BCAR3: variants seen among roughly 807,000 people sequenced by gnomAD.
The protein encoded by BCAR3 is BCAR3 adaptor protein, NSP family member.
In BCAR3, 37 loss-of-function variants were observed where a neutral mutation model predicts 80.1. That is an observed-to-expected ratio of 0.46 (90% CI 0.36 to 0.61). The LOEUF is 0.61. Among genes scored for constraint, BCAR3 ranks in the 20% least tolerant of loss-of-function variants. BCAR3 has a pLI of 0.00. For missense variants in BCAR3, 978 were observed against 1,068.2 expected, an observed-to-expected ratio of 0.92 and a Z score of 1.18; for synonymous variants, 389 against 418.9, an observed-to-expected ratio of 0.93 and a Z score of 0.87.
chr1:93,585,926 T>C (rs1183126230), intron 5 of BCAR3, among the ~76,000 whole-genome samples: 1 of 152,144 alleles, frequency 6.6e-6, no homozygotes, highest in African/African-American at 2.4e-5. Context: ...TAAAAAATTT[T>C]GTGCATACAT....
chr1:93,830,690 A>G (rs376293021), intron 2 of BCAR3, among the ~76,000 whole-genome samples: 1 of 152,166 alleles, frequency 6.6e-6, no homozygotes, highest in Non-Finnish European at 1.5e-5. Context: ...GTGACTAAAA[A>G]GCTTTATTGC....
chr1:93,752,502 C>T (rs565772447), intron 2 of BCAR3, among the ~76,000 whole-genome samples: 2 of 152,302 alleles, frequency 1.3e-5, no homozygotes, highest in African/African-American at 4.8e-5. Context: ...ACATGTCAAT[C>T]GGTTGTGAAG....
chr1:93,782,706 A>C (rs1652804999), intron 2 of BCAR3, among the ~76,000 whole-genome samples: 1 of 152,200 alleles, frequency 6.6e-6, no homozygotes, highest in East Asian at 1.9e-4. Flanking sequence ...ATAAAACCCC[A>C]AAATGCTGCC....
intron 2 of BCAR3, among the ~76,000 whole-genome samples, chr1:93,774,470 C>T (rs932215402): frequency 7.1e-6 from 1 of 140,828 alleles, no homozygotes; most frequent in Non-Finnish European, 1.5e-5. Flanking sequence ...ATCAACAGAG[C>T]GAGATTCTGT....
In BCAR3 at chr1:93,745,804, C is replaced by T. The variant is rs541802831; in HGVS notation, c.-62-39662G>A. Among the ~76,000 whole-genome samples, 9 of 152,264 alleles carry T rather than the reference C, an allele frequency of 5.9e-5. No homozygotes were observed. The East Asian group carries it at 1.7e-3, about 29-fold the overall frequency. Reference sequence around the variant, plus strand: ...CCTGTAATCCCAGCACTTTGAGAGGCCAAGGTGGGAGGATCACTTGAGACC... The same window carrying T: ...CCTGTAATCCCAGCACTTTGAGAGGTCAAGGTGGGAGGATCACTTGAGACC... On this transcript the variant is annotated intron_variant, in intron 2 of 13. Transcript: ENST00000370244.
intron 2 of BCAR3, among the ~76,000 whole-genome samples, chr1:93,773,577 AC>A (rs765934600): frequency 1.3e-5 from 2 of 152,120 alleles, no homozygotes; most frequent in East Asian, 3.9e-4. Flanking sequence ...TGGTGATTGG[AC>A]CCTGCTCATG....
chr1:93,765,896 A>G (rs762955933), intron 2 of BCAR3, among the ~76,000 whole-genome samples: 1 of 151,928 alleles, frequency 6.6e-6, no homozygotes, highest in Non-Finnish European at 1.5e-5. Flanking sequence ...CAAACTCCTG[A>G]CCTTGTGATC....
At chr1:93,621,526 T>G (rs889386200) in intron 3 of BCAR3, among the ~76,000 whole-genome samples, 32 of 152,174 alleles carry the variant, frequency 2.1e-4, no homozygotes, top group African/African-American at 2.4e-5. Context: ...TACGGACTGA[T>G]AAAGCACCCT....
Position 93,589,017 on chromosome 1 carries a change from G to T in BCAR3, c.889C>A (p.Gln297Lys). 6.3e-7 allele frequency: 1 copy of T among 1,599,490 alleles called. No homozygotes were observed. Residue 297 changes from glutamine (Q) to lysine (K), a missense_variant, in exon 5 of 12, where the codon CAG becomes AAG. Physicochemically the swap from Gln to Lys is moderately conservative, Grantham distance 53. Coordinates refer to ENST00000260502, the MANE Select transcript of BCAR3 (RefSeq NM_003567.4). Reference sequence around the variant, plus strand: ...CTGGGCAAATTCTGCTCTCGGGCCTGGACGCCACCCATGGTGAGGCTCAGC... The same window carrying T: ...CTGGGCAAATTCTGCTCTCGGGCCTTGACGCCACCCATGGTGAGGCTCAGC... ...KRLSLTMGGVQAREQNLPRGN... is the reference protein window; with the variant it reads ...KRLSLTMGGVKAREQNLPRGN...
intron 2 of BCAR3, among the ~76,000 whole-genome samples, chr1:93,714,014 G>T (rs575777918): frequency 6.6e-6 from 1 of 151,974 alleles, no homozygotes; most frequent in Non-Finnish European, 1.5e-5. Context: ...ATGGAGTCTC[G>T]CTCTGTTACC....
In BCAR3 at chr1:93,735,823, G is replaced by A. The variant is rs150987049; in HGVS notation, c.-62-29681C>T. ...ATAAGCTTCTAGCTTCCACTGGTAG[G>A]AGCCAAACTTCCTTAGGAGTTTGAA... On this transcript the variant is annotated intron_variant, in intron 2 of 13. Coordinates refer to the BCAR3 transcript ENST00000370244. Among the ~76,000 whole-genome samples, 49 of 152,362 alleles carry A rather than the reference G, an allele frequency of 3.2e-4. 1 individual carries two copies. In the East Asian group the frequency reaches 8.5e-3, roughly 26 times the overall value.
chr1:93,669,119 A>T (rs1008711909), intron 2 of BCAR3, among the ~76,000 whole-genome samples: 2 of 152,174 alleles, frequency 1.3e-5, no homozygotes, highest in Non-Finnish European at 2.9e-5. Context: ...TAAACTGCAG[A>T]TGTTTGCATG....
intron 3 of BCAR3, among the ~76,000 whole-genome samples, chr1:93,604,032 T>C (rs1674702260): frequency 6.6e-6 from 1 of 152,226 alleles, no homozygotes; most frequent in Admixed American, 6.5e-5. Flanking sequence ...TTCCAAATCC[T>C]AGAAAGAATC....
intron 2 of BCAR3, among the ~76,000 whole-genome samples, chr1:93,750,703 G>A (rs1571095751): frequency 6.6e-6 from 1 of 152,196 alleles, no homozygotes; most frequent in South Asian, 2.1e-4. Flanking sequence ...ACGCTGTGGG[G>A]AAGCCACACA....
At chr1:93,589,768 G>A (rs1482736038) in intron 4 of BCAR3, among the ~76,000 whole-genome samples, 1 of 152,172 alleles carries the variant, frequency 6.6e-6, no homozygotes, top group Admixed American at 6.5e-5. Context: ...TAAGGTCAGG[G>A]AAGAAGTAAA....
intron 2 of BCAR3, among the ~76,000 whole-genome samples, chr1:93,738,770 G>C (rs1651081278): frequency 6.6e-6 from 1 of 152,108 alleles, no homozygotes; most frequent in Admixed American, 6.5e-5. Flanking sequence ...GGGGCGGGGG[G>C]TGCCAGGGTT....
At chr1:93,777,053 C>T (rs1652575254) in intron 2 of BCAR3, among the ~76,000 whole-genome samples, 2 of 152,066 alleles carry the variant, frequency 1.3e-5, no homozygotes. Context: ...AGAAGACAGC[C>T]ATGTGACCAT....
At chr1:93,656,195 T>C (rs1647369372) in intron 2 of BCAR3, among the ~76,000 whole-genome samples, 1 of 152,228 alleles carries the variant, frequency 6.6e-6, no homozygotes, top group South Asian at 2.1e-4. Flanking sequence ...TTGCAATGTG[T>C]CTAGGTGAAG....
intron 2 of BCAR3, among the ~76,000 whole-genome samples, chr1:93,771,279 C>T (rs56339503): frequency 0.12 from 17,797 of 152,132 alleles, 1,465 homozygotes; most frequent in African/African-American, 0.22. Context: ...AGAGCCCATA[C>T]CCACAGCCAC....
Sources: gnomAD v4.1 joint callset for allele counts (sites outside exome capture counted in the v4.1 genomes callset) on GRCh38, gnomAD v4.1.1 for gene constraint, MANE v1.5 for transcripts, NCBI Gene and HGNC (gene_info 2026-07-23, HGNC 2026-07-21) for gene names.